LPP: variants seen among roughly 807,000 people sequenced by gnomAD.
LPP encodes lipoma-preferred partner.
A neutral mutation model predicts 60.4 loss-of-function variants in LPP; 38 were observed. That is an observed-to-expected ratio of 0.63 (90% CI 0.49 to 0.83). The LOEUF is 0.83. Ranked by LOEUF, LPP falls within the 40% of genes least tolerant of loss-of-function variation. The pLI is 0.00. For missense variants in LPP, 902 were observed against 783.6 expected (o/e 1.15, Z -1.80); for synonymous variants, 328 against 290.8 (o/e 1.13, Z -1.30).
intron 8 of LPP, among the ~76,000 whole-genome samples, chr3:188,724,799 ATGC>A (rs1717752538): frequency 6.6e-6 from 1 of 152,206 alleles, no homozygotes; most frequent in Admixed American, 6.5e-5. Flanking sequence ...TTAACGATCC[ATGC>A]CTATGGCATC....
chr3:188,791,616 A>G (rs919412041), intron 9 of LPP, among the ~76,000 whole-genome samples: 1 of 151,762 alleles, frequency 6.6e-6, no homozygotes, highest in African/African-American at 2.4e-5. Context: ...CCATTGCACC[A>G]TGATTAGTCT....
chr3:188,620,024 C>T (rs1845519682), intron 7 of LPP, among the ~76,000 whole-genome samples: 1 of 152,090 alleles, frequency 6.6e-6, no homozygotes, highest in South Asian at 2.1e-4. Context: ...ATATTATTAG[C>T]TTATCTTTCC....
At chr3:188,824,628 C>T (rs1754892149) in intron 9 of LPP, among the ~76,000 whole-genome samples, 1 of 152,080 alleles carries the variant, frequency 6.6e-6, no homozygotes, top group Admixed American at 6.6e-5. Context: ...CTCTAACTCT[C>T]CTTTAACCGC....
Position 188,279,643 on chromosome 3 carries a change from A to G in LPP, c.-67+54116A>G, listed in dbSNP as rs563517149. 1.3e-5 allele frequency among the ~76,000 whole-genome samples: 2 copies of G among 152,322 alleles called. 1 individual carries two copies. The highest frequency in any genetic ancestry group is 4.1e-4 in the South Asian group (2 of 4,828). ...CTGGAGCCAAGACCATCATTTCTGT[A>G]TCTTCTGGGTGTTGTAGAAAGTAAT... On this transcript the variant is annotated intron_variant, in intron 2 of 11. Coordinates refer to ENST00000617246, the MANE Select transcript of LPP (RefSeq NM_001375462.1).
rs1789709475 is a variant in LPP at position 188,427,477 on chromosome 3, C to A, written c.193+21164C>A. On this transcript the variant is annotated intron_variant, in intron 4 of 11. Coordinates refer to ENST00000617246, the MANE Select transcript of LPP (RefSeq NM_001375462.1). ...TTCCTTCATTTCAACCTTGGTGAAT[C>A]TGACAATTATGTATCTTGGGGTTGC... 2.0e-5 allele frequency among the ~76,000 whole-genome samples: 3 copies of A among 152,166 alleles called. No individual in the cohort carries two copies. In the South Asian group the frequency reaches 6.2e-4, roughly 31 times the overall value.
At chr3:188,691,500 G>T (rs1329772101) in intron 7 of LPP, among the ~76,000 whole-genome samples, 1 of 152,200 alleles carries the variant, frequency 6.6e-6, no homozygotes, top group African/African-American at 2.4e-5. Flanking sequence ...GGATGGTGAC[G>T]ATGTACATGA....
chr3:188,634,071 T>A (rs912214106), intron 7 of LPP, among the ~76,000 whole-genome samples: 1 of 152,200 alleles, frequency 6.6e-6, no homozygotes, highest in African/African-American at 2.4e-5. Flanking sequence ...ATATTCCATA[T>A]AAAGAATAGT....
chr3:188,841,602 G>T (rs1760039092), intron 9 of LPP, among the ~76,000 whole-genome samples: 2 of 152,092 alleles, frequency 1.3e-5, no homozygotes, highest in Non-Finnish European at 2.9e-5. Context: ...ATCTTGGCCA[G>T]GATGGTCTCT....
chr3:188,421,026 A>AC lies in LPP; in HGVS notation c.193+14719dup, dbSNP rs1236237213. Among the ~76,000 whole-genome samples, 6 of 152,076 alleles carry AC rather than the reference A, an allele frequency of 3.9e-5. No homozygotes were observed. In the South Asian group the frequency reaches 1.0e-3, roughly 26 times the overall value. Reference sequence around the variant, plus strand: ...CTGCTGAATTAGATGGTACCCCCTCACCCCCCATTTTACTGTTGAAGAGAG... The same window carrying AC: ...CTGCTGAATTAGATGGTACCCCCTCACCCCCCCATTTTACTGTTGAAGAGAG... On this transcript the variant is annotated intron_variant, in intron 4 of 11. Transcript: ENST00000617246.
At chr3:188,485,015 T>C (rs1240697331) in intron 5 of LPP, among the ~76,000 whole-genome samples, 2 of 152,132 alleles carry the variant, frequency 1.3e-5, no homozygotes, top group Non-Finnish European at 2.9e-5. Context: ...CATTTCCTTG[T>C]TATTTTGGAG....
chr3:188,722,022 T>C (rs535622192), intron 8 of LPP, among the ~76,000 whole-genome samples: 76 of 152,298 alleles, frequency 5.0e-4, no homozygotes, highest in African/African-American at 1.8e-3. Flanking sequence ...CTGCCCCATA[T>C]AAAATTTCAG....
chr3:188,314,311 T>G (rs1754394661), intron 2 of LPP, among the ~76,000 whole-genome samples: 2 of 152,132 alleles, frequency 1.3e-5, no homozygotes. Context: ...TTGTTTTAAT[T>G]GAGACTGGTT....
intron 1 of LPP, among the ~76,000 whole-genome samples, chr3:188,222,025 A>T (rs1463504442): frequency 3.3e-5 from 5 of 152,154 alleles, no homozygotes; most frequent in African/African-American, 1.2e-4. Context: ...TCCGTTCCTC[A>T]GTTTCTTCAG....
chr3:188,715,139 G>A (rs1159743950), intron 8 of LPP, among the ~76,000 whole-genome samples: 1 of 151,996 alleles, frequency 6.6e-6, no homozygotes, highest in African/African-American at 2.4e-5. Flanking sequence ...CAGCACTTTG[G>A]GAGGCTGAGG....
At chr3:188,865,964 C>T (rs1553874540) in intron 9 of LPP, among the ~76,000 whole-genome samples, 2 of 152,160 alleles carry the variant, frequency 1.3e-5, no homozygotes, top group African/African-American at 2.4e-5. Context: ...AATTGTGTTT[C>T]CTTCTCTCTA....
intron 1 of LPP, among the ~76,000 whole-genome samples, chr3:188,188,513 T>C (rs1727240825): frequency 6.6e-6 from 1 of 152,068 alleles, no homozygotes; most frequent in Non-Finnish European, 1.5e-5. Flanking sequence ...TTATTCAGCA[T>C]GATCATCTCC....
At chr3:188,757,481 A>G (rs1044409203) in intron 8 of LPP, among the ~76,000 whole-genome samples, 5 of 152,172 alleles carry the variant, frequency 3.3e-5, no homozygotes, top group Non-Finnish European at 5.9e-5. Context: ...CACTTCGGGC[A>G]TCATAGTCTG....
intron 3 of LPP, among the ~76,000 whole-genome samples, chr3:188,365,702 T>TTTC: frequency 6.7e-6 from 1 of 148,598 alleles, no homozygotes; most frequent in South Asian, 2.1e-4. Flanking sequence ...TTTTTTTTTT[T>TTTC]ACTCTGTTGA....
intron 1 of LPP, among the ~76,000 whole-genome samples, chr3:188,181,808 G>C (rs1021692034): frequency 6.6e-6 from 1 of 152,200 alleles, no homozygotes; most frequent in Non-Finnish European, 1.5e-5. Flanking sequence ...TGCAGCCTTG[G>C]AAATCCTGGG....
Sources: gnomAD v4.1 joint callset for allele counts (sites outside exome capture counted in the v4.1 genomes callset) on GRCh38, gnomAD v4.1.1 for gene constraint, MANE v1.5 for transcripts, NCBI Gene and HGNC (gene_info 2026-07-23, HGNC 2026-07-21) for gene names.